KHDRBS2: variants seen among roughly 807,000 people sequenced by gnomAD.
KHDRBS2 encodes the protein KH RNA binding domain containing, signal transduction associated 2, also known as KH domain-containing, RNA-binding, signal transduction-associated protein 2.
In KHDRBS2, 26 loss-of-function variants were observed where a neutral mutation model predicts 44.3. That is an observed-to-expected ratio of 0.59 (90% CI 0.43 to 0.81). The LOEUF is 0.81. Ranked by LOEUF, KHDRBS2 falls within the 40% of genes least tolerant of loss-of-function variation. KHDRBS2 has a pLI of 0.00. For synonymous variants in KHDRBS2, 194 were observed against 151.1 expected, an observed-to-expected ratio of 1.28 and a Z score of -2.08; for missense variants, 476 against 433.1, an observed-to-expected ratio of 1.10 and a Z score of -0.88.
chr6:61,743,773 C>CT (rs1420618902), intron 6 of KHDRBS2, among the ~76,000 whole-genome samples: 1 of 123,490 alleles, frequency 8.1e-6, no homozygotes, highest in East Asian at 2.5e-4. Context: ...TAATGCTATC[C>CT]CCCCCCTCCC....
At chr6:61,690,045 T>G (rs1449849288) in intron 8 of KHDRBS2, among the ~76,000 whole-genome samples, 1 of 152,036 alleles carries the variant, frequency 6.6e-6, no homozygotes. Context: ...TAAATTATGA[T>G]GCTTGATAAA....
In KHDRBS2 at chr6:62,064,405, A is replaced by T. The variant is rs1179780360; in HGVS notation, c.220-16411T>A. Among the ~76,000 whole-genome samples, 8 of 148,404 alleles carry T rather than the reference A, an allele frequency of 5.4e-5. No homozygotes were observed. In the East Asian group the frequency reaches 1.4e-3, roughly 26 times the overall value. ...ATACTACAAGGCTACAGTAACCAAAACAGCATGGTACTGGTACCAAAACAG... is the reference window on the plus strand; with the variant it reads ...ATACTACAAGGCTACAGTAACCAAATCAGCATGGTACTGGTACCAAAACAG... On this transcript the variant is annotated intron_variant, in intron 2 of 8. Transcript: ENST00000281156.
intron 4 of KHDRBS2, among the ~76,000 whole-genome samples, chr6:61,956,882 A>T (rs1470628953): frequency 6.7e-6 from 1 of 149,348 alleles, no homozygotes; most frequent in East Asian, 2.0e-4. Flanking sequence ...TATGCATAGC[A>T]AACATTCCAT....
At position 62,252,406 on chromosome 6, in the gene KHDRBS2, T is replaced by C. The variant is rs140816593; in HGVS notation, c.91+33452A>G. On this transcript the variant is annotated intron_variant, in intron 1 of 8. Coordinates refer to ENST00000281156, the MANE Select transcript of KHDRBS2 (RefSeq NM_152688.4). ...TCAGACTCAAATGTTTTCATGTGTT[T>C]AGCAATAAGTATCATTTTCTATTAT... is the stretch of plus-strand genomic sequence containing the variant. Among the ~76,000 whole-genome samples the C allele has an allele frequency of 3.0e-3, 450 of 152,066 alleles. 9 individuals carry two copies. Among genetic ancestry groups the C allele is most frequent in the Admixed American group, 0.023 (354 of 15,260 alleles).
At chr6:62,061,484 G>T (rs376786723) in intron 2 of KHDRBS2, among the ~76,000 whole-genome samples, 1 of 150,410 alleles carries the variant, frequency 6.6e-6, no homozygotes, top group Non-Finnish European at 1.5e-5. Context: ...TTTTCTTTAA[G>T]AATGTTGAAT....
chr6:61,950,536 C>G, intron 4 of KHDRBS2, among the ~76,000 whole-genome samples: 1 of 151,802 alleles, frequency 6.6e-6, no homozygotes, highest in Admixed American at 6.6e-5. Context: ...AAATATACTT[C>G]ATTTTGAGGG....
the KHDRBS2 span, among the ~76,000 whole-genome samples, chr6:61,616,808 G>A: frequency 1.2e-4 from 19 of 152,004 alleles, no homozygotes; most frequent in Admixed American, 7.9e-4. Flanking sequence ...CCAGCTCCCC[G>A]ATTCTCCAGT....
At chr6:61,672,705 C>A in the KHDRBS2 span, among the ~76,000 whole-genome samples, 1 of 151,688 alleles carries the variant, frequency 6.6e-6, no homozygotes, top group African/African-American at 2.4e-5. Flanking sequence ...GTGTTTTTTT[C>A]TTGTAAATTT....
At chr6:61,665,000 A>G in the KHDRBS2 span, among the ~76,000 whole-genome samples, 1 of 151,564 alleles carries the variant, frequency 6.6e-6, no homozygotes, top group East Asian at 2.0e-4. Context: ...TAAAAGATAT[A>G]CTTTTTCTAA....
At chr6:61,851,561 C>T (rs1397767672) in intron 6 of KHDRBS2, among the ~76,000 whole-genome samples, 1 of 152,058 alleles carries the variant, frequency 6.6e-6, no homozygotes, top group African/African-American at 2.4e-5. Context: ...ACAGACAATA[C>T]ATAGACTGAG....
chr6:61,569,060 T>C, the KHDRBS2 span, among the ~76,000 whole-genome samples: 16 of 70,304 alleles, frequency 2.3e-4, no homozygotes, highest in Non-Finnish European at 4.1e-4. Flanking sequence ...CAGGGTCTGA[T>C]TGGGGCACTG....
rs186741210 is a variant in KHDRBS2 at position 61,898,031 on chromosome 6, T to C, written c.612-3198A>G. Among the ~76,000 whole-genome samples the C allele has an allele frequency of 2.9e-3, 437 of 152,240 alleles. 1 individual carries two copies. Among genetic ancestry groups the C allele is most frequent in the African/African-American group, 9.9e-3 (412 of 41,574 alleles). On this transcript the variant is annotated intron_variant, in intron 5 of 8. Coordinates refer to ENST00000281156, the MANE Select transcript of KHDRBS2 (RefSeq NM_152688.4). ...ATGCTTTGTTCTCTGGTATACATTA[T>C]TATTGGAAAATTAGAGTTATCATAG...
At chr6:62,064,640 T>G (rs938788596) in intron 2 of KHDRBS2, among the ~76,000 whole-genome samples, 5 of 151,484 alleles carry the variant, frequency 3.3e-5, no homozygotes, top group Non-Finnish European at 5.9e-5. Context: ...TCAAGATGGA[T>G]TAAAGATTTG....
At chr6:61,642,713 A>C in the KHDRBS2 span, among the ~76,000 whole-genome samples, 3 of 152,166 alleles carry the variant, frequency 2.0e-5, no homozygotes, top group African/African-American at 7.2e-5. Context: ...AGTTGCATTT[A>C]ATTCCACAAA....
At chr6:62,063,598 C>T (rs1792665317) in intron 2 of KHDRBS2, among the ~76,000 whole-genome samples, 1 of 151,542 alleles carries the variant, frequency 6.6e-6, no homozygotes, top group East Asian at 2.0e-4. Context: ...GATAAAAACT[C>T]TCAATAAATT....
chr6:62,194,527 G>T (rs1238646660), intron 1 of KHDRBS2, among the ~76,000 whole-genome samples: 1 of 91,702 alleles, frequency 1.1e-5, no homozygotes, highest in African/African-American at 4.7e-5. Flanking sequence ...TTGAGATGGA[G>T]TCTCTCTCTG....
Position 61,715,972 on chromosome 6 carries a change from A to T in KHDRBS2, c.893+16710T>A, listed in dbSNP as rs528086811. ...CTGACGTAGCAGGTTATATTTTTTT[A>T]AAATGGCTACATTTTTTTTTCCATT... On this transcript the variant is annotated intron_variant, in intron 7 of 8. Coordinates refer to ENST00000281156, the MANE Select transcript of KHDRBS2 (RefSeq NM_152688.4). 6.0e-3 allele frequency among the ~76,000 whole-genome samples: 358 copies of T among 59,290 alleles called. 2 individuals are homozygous for T. The highest frequency in any genetic ancestry group is 0.035 in the African/African-American group (341 of 9,712). 38.9% of individuals were successfully genotyped at this position (59,290 alleles called of 152,430 possible).
chr6:61,655,205 C>T, the KHDRBS2 span, among the ~76,000 whole-genome samples: 1 of 145,286 alleles, frequency 6.9e-6, no homozygotes. Flanking sequence ...GTTCTTAGAA[C>T]GTTTAAATAC....
chr6:62,025,373 T>C (rs1388221049), intron 3 of KHDRBS2, among the ~76,000 whole-genome samples: 1 of 151,794 alleles, frequency 6.6e-6, no homozygotes, highest in African/African-American at 2.4e-5. Context: ...AGAAAAACTT[T>C]AAAGATATTG....
Sources: gnomAD v4.1 joint callset for allele counts (sites outside exome capture counted in the v4.1 genomes callset) on GRCh38, gnomAD v4.1.1 for gene constraint, MANE v1.5 for transcripts, NCBI Gene and HGNC (gene_info 2026-07-23, HGNC 2026-07-21) for gene names.